SULT1A1: variants seen among roughly 807,000 people sequenced by gnomAD.
The protein encoded by SULT1A1 is sulfotransferase family 1A member 1.
In SULT1A1, 35 loss-of-function variants were observed where a neutral mutation model predicts 36.8. The ratio of observed to expected loss-of-function variants is 0.95; its 90% confidence interval spans 0.73 to 1.26. The LOEUF (loss-of-function observed/expected upper bound fraction) is 1.26, where lower values mean the gene tolerates loss of function less well. SULT1A1 is among the 50% of genes most tolerant of loss of function. The probability of loss-of-function intolerance (pLI) is 0.00; values close to 1 mark genes in which losing one functional copy is unlikely to be tolerated. For synonymous variants in SULT1A1, 119 were observed against 146.0 expected, an observed-to-expected ratio of 0.82 and a Z score of 1.33; for missense variants, 309 against 383.0, an observed-to-expected ratio of 0.81 and a Z score of 1.61.
chr16:28,617,677 G>T (rs968084663), intron 2 of SULT1A1, among the ~76,000 whole-genome samples: 7 of 152,044 alleles, frequency 4.6e-5, no homozygotes, highest in African/African-American at 1.4e-4. Flanking sequence ...GAGTAGCTGG[G>T]ATTACAGGCA....
intron 1 of SULT1A1, among the ~76,000 whole-genome samples, chr16:28,620,479 G>A (rs777844660): frequency 6.0e-5 from 9 of 150,316 alleles, no homozygotes; most frequent in Admixed American, 2.0e-4. Flanking sequence ...TGGGAGGATT[G>A]CTTGAGCCTG....
At chr16:28,606,589 G>A (rs1358923090) in intron 6 of SULT1A1, among the ~76,000 whole-genome samples, 172 bp downstream of exon 6, 1 of 145,408 alleles carries the variant, frequency 6.9e-6, no homozygotes, top group Non-Finnish European at 1.5e-5. Flanking sequence ...GCTGTGTGGG[G>A]CCCGCTGCCA....
Position 28,605,478 on chromosome 16 carries a change from A to T in SULT1A1, c.*343T>A, listed in dbSNP as rs2047138181. The T allele has an allele frequency of 2.4e-6, 1 of 413,086 alleles. No homozygotes were observed. The highest frequency in any genetic ancestry group is 2.0e-5 in the African/African-American group (1 of 50,352). The allele number at this position is 413,086 out of a possible 1,614,324, so 25.6% of individuals were successfully genotyped here. On this transcript the variant is annotated 3_prime_UTR_variant, in exon 8 of 8. Coordinates refer to ENST00000314752, the MANE Select transcript of SULT1A1 (RefSeq NM_001055.4). ...GTAGGGATGATGTCTTGTAATGTTG[A>T]ACAGGCTGGTCCCAAACTCCTGTCC...
intron 1 of SULT1A1, among the ~76,000 whole-genome samples, chr16:28,620,493 G>C (rs1323363517): frequency 6.6e-6 from 1 of 150,386 alleles, no homozygotes; most frequent in Admixed American, 6.7e-5. Flanking sequence ...GAGCCTGGGA[G>C]GTGGAGGCTA....
upstream of SULT1A1, chr16:28,611,391 G>C (rs1404889973): frequency 6.6e-6 from 1 of 152,126 alleles, no homozygotes; most frequent in Non-Finnish European, 1.5e-5. Flanking sequence ...TTTGATGTAG[G>C]TTTCACCTAG....
intron 2 of SULT1A1, among the ~76,000 whole-genome samples, chr16:28,618,325 G>A (rs1461481196): frequency 7.0e-6 from 1 of 143,752 alleles, no homozygotes; most frequent in Non-Finnish European, 1.5e-5. Flanking sequence ...AGTGTGAGCC[G>A]GCTACTTCCC....
chr16:28,619,731 T>A lies in SULT1A1; in HGVS notation c.138+332A>T, dbSNP rs1223189443. Among the ~76,000 whole-genome samples, 3 of 35,666 alleles carry A rather than the reference T, an allele frequency of 8.4e-5. No homozygotes were observed. The East Asian group carries it at 0.019, about 220-fold the overall frequency. 23.4% of individuals were successfully genotyped at this position (35,666 alleles called of 152,430 possible). A position where few individuals can be genotyped will look rare whatever the true frequency, so the allele number is the denominator to read the frequency against. On this transcript the variant is annotated intron_variant, in intron 2 of 5. Coordinates refer to the SULT1A1 transcript ENST00000350842. ...TGAGACCCTGTCTCAAAAAAAATTT[T>A]ATTAAAAAATATATATATACATATA...
Position 28,608,487 on chromosome 16 carries a change from T to G in SULT1A1, c.265A>C (p.Ile89Leu). Residue 89 changes from isoleucine (I) to leucine (L), a missense_variant, in exon 3 of 8, where the codon ATT (isoleucine) becomes CTT (leucine). Ile to Leu is a conservative substitution (Grantham distance 5). Coordinates refer to ENST00000314752, the MANE Select transcript of SULT1A1 (RefSeq NM_001055.4). ...VPFLEFKAPG[I>L]PSGMETLKDT... ...GGACACACTCACACACCTGAGGGAA[T>G]CCCTGGGGCTTTGAACTCAAGGAAG... The G allele has an allele frequency of 6.2e-7, 1 of 1,612,442 alleles. No homozygotes were observed. Among genetic ancestry groups the G allele is most frequent in the Non-Finnish European group, 8.5e-7 (1 of 1,178,684 alleles).
upstream of SULT1A1, chr16:28,610,072 T>A (rs765792284): frequency 3.3e-5 from 42 of 1,285,544 alleles, 1 homozygote; most frequent in South Asian, 5.2e-4. Flanking sequence ...GGGGCTGGAC[T>A]TAGATTTGCT....
chr16:28,620,133 C>T (rs1191234482), exon 2 of SULT1A1: 1 of 1,612,252 alleles, frequency 6.2e-7, no homozygotes, highest in Admixed American at 1.7e-5. Flanking sequence ...AATGCTCATA[C>T]CTATTTGCAA....
Position 28,606,081 on chromosome 16 carries a change from G to A in SULT1A1, c.750C>T (p.His250=), listed in dbSNP as rs2047168616. 2 of 1,609,176 alleles carry A rather than the reference G, an allele frequency of 1.2e-6. No individual in the cohort carries two copies. Among genetic ancestry groups the A allele is most frequent in the African/African-American group, 1.3e-5 (1 of 74,698 alleles). The change falls in exon 7 of 8, where the codon CAC becomes CAT. Residue 250 remains histidine, a synonymous_variant. Transcript: ENST00000314752. ...YTTVPQEFMD[H]SISPFMRKGM... ...CTTTCCTCATGAAGGGGGAGATGCT[G>A]TGGTCCATGAACTCCTGGGGGACGG...
At chr16:28,605,978 G>A in intron 7 of SULT1A1, 45 bp from the exon 8 acceptor site, 1 of 1,603,002 alleles carries the variant, frequency 6.2e-7, no homozygotes, top group Non-Finnish European at 8.5e-7. Context: ...TCATCCCAGG[G>A]GAGGCCCCAA....
At chr16:28,616,134 C>A (rs558311533) in intron 2 of SULT1A1, among the ~76,000 whole-genome samples, 2 of 152,180 alleles carry the variant, frequency 1.3e-5, no homozygotes, top group South Asian at 2.1e-4. Flanking sequence ...TCCTGTCTTC[C>A]GGTCACACCT....
At chr16:28,614,531 C>T (rs1305787430), upstream of SULT1A1, among the ~76,000 whole-genome samples, 1 of 128,230 alleles carries the variant, frequency 7.8e-6, no homozygotes. Flanking sequence ...AGCAATTCTC[C>T]CGCCTCAGCC....
intron 2 of SULT1A1, among the ~76,000 whole-genome samples, chr16:28,618,915 G>A (rs1452034236): frequency 1.3e-5 from 2 of 152,112 alleles, no homozygotes; most frequent in East Asian, 3.8e-4. Context: ...TGTCCCTTTG[G>A]CTGCAAAATT....
At chr16:28,609,175 G>C in intron 1 of SULT1A1, 1 of 1,356,442 alleles carries the variant, frequency 7.4e-7, no homozygotes. Flanking sequence ...GTCTCCAGGA[G>C]AGTCCAGCTG....
intron 2 of SULT1A1, among the ~76,000 whole-genome samples, chr16:28,617,481 G>GT (rs1412012709): frequency 3.3e-5 from 5 of 151,730 alleles, no homozygotes; most frequent in Non-Finnish European, 5.9e-5. Flanking sequence ...GTTTTATATG[G>GT]TTTTTTGGGT....
rs759716692 is a variant in SULT1A1, at chr16:28,606,849, T to C, written c.506A>G (p.Tyr169Cys). The change falls in exon 6 of 8, where the codon TAC becomes TGC. Residue 169 changes from tyrosine (Y) to cysteine (C), a missense_variant. Coordinates refer to ENST00000314752, the MANE Select transcript of SULT1A1 (RefSeq NM_001055.4). ...CTGCACGTGCTGGTACCAGGATCCG[T>C]AGGACACTGGAGAAGCAGGCAAGGG... ...LEKFMVGEVS[Y>C]GSWYQHVQEW... 20 of 1,612,376 alleles carry C rather than the reference T, an allele frequency of 1.2e-5. 1 individual carries two copies. The East Asian group carries it at 1.6e-4, about 13-fold the overall frequency.
At chr16:28,623,107 C>CGGGG in intron 1 of SULT1A1, 2 of 1,509,610 alleles carry the variant, frequency 1.3e-6, no homozygotes, top group African/African-American at 2.9e-5. Context: ...TCCCACCCCC[C>CGGGG]AGGTTCCCCC....
Sources: allele counts gnomAD v4.1 joint callset (sites outside exome capture counted in the v4.1 genomes callset), GRCh38; gene constraint gnomAD v4.1.1; transcripts MANE v1.5; gene names NCBI Gene and HGNC (gene_info 2026-07-23, HGNC 2026-07-21).